Variants in VWF observed in about 807,000 individuals in gnomAD.
VWF encodes the protein Factor VIII related antigen.
In VWF, 176 loss-of-function variants were observed where a neutral mutation model predicts 308.6. The ratio of observed to expected loss-of-function variants is 0.57; its 90% CI spans 0.50 to 0.65. The LOEUF is 0.65. Among genes scored for constraint, VWF ranks in the 30% least tolerant of loss-of-function variants. VWF has a pLI of 0.00. For synonymous variants in VWF, 1,385 were observed against 1,443.4 expected (o/e 0.96, Z 0.92); for missense variants, 3,146 against 3,648.2 (o/e 0.86, Z 3.55).
In VWF at chr12:5,981,805, G is replaced by T. The variant is rs957015244; in HGVS notation, c.7268C>A (p.Thr2423Asn). 1.9e-6 allele frequency: 3 copies of T among 1,614,056 alleles called. No homozygotes were observed. The Middle Eastern group carries it at 4.9e-4, about 265-fold the overall frequency. The change falls in exon 42 of 52, where the codon ACC (threonine) becomes AAC (asparagine). Residue 2423 changes from threonine (T) to asparagine (N), a missense_variant. Physicochemically the swap from Thr to Asn is moderately conservative, Grantham distance 65 (BLOSUM62 0). Transcript: ENST00000261405. ...TATNDCGCTT[T>N]TCLPDKVCVH... ...CCTTACCTTGTCGGGAAGGCAGGTGGTTGTGGTACAGCCACAGTCATTGGT... is the reference window on the plus strand; with the variant it reads ...CCTTACCTTGTCGGGAAGGCAGGTGTTTGTGGTACAGCCACAGTCATTGGT...
chr12:6,018,191 C>A (rs925186742), intron 28 of VWF, among the ~76,000 whole-genome samples, 174 bp downstream of exon 28: 4 of 152,146 alleles, frequency 2.6e-5, no homozygotes, highest in African/African-American at 9.7e-5. Context: ...AGTTTGTCTC[C>A]CTGCCAGGGA....
At chr12:5,986,755 G>T (rs1018603609) in intron 38 of VWF, among the ~76,000 whole-genome samples, 4 of 152,208 alleles carry the variant, frequency 2.6e-5, no homozygotes, top group Non-Finnish European at 5.9e-5. Flanking sequence ...AATCACTCAT[G>T]TAATCCTCAC....
chr12:6,064,411 T>C (rs369068103), intron 11 of VWF, 27 bp from the exon 12 acceptor site: 68 of 1,613,394 alleles, frequency 4.2e-5, no homozygotes, highest in Non-Finnish European at 5.4e-5. Flanking sequence ...CAGGGTGACT[T>C]TGCTGCACCC....
rs752846524 is a variant in VWF, at chr12:6,064,237, G to A, written c.1432+9C>T. The A allele has an allele frequency of 4.1e-5, 66 of 1,614,010 alleles. No individual in the cohort carries two copies. Among genetic ancestry groups the A allele is most frequent in the South Asian group, 1.3e-4 (12 of 91,088 alleles). On this transcript the variant is annotated intron_variant, in intron 12 of 51. Transcript: ENST00000261405. ...AGCCCCAGGCCTGATGGAGCAGGAC[G>A]AAGCATACCTTTCAGGAGGGGGAGC...
intron 1 of VWF, among the ~76,000 whole-genome samples, chr12:6,124,105 C>A (rs1356604039): frequency 6.6e-6 from 1 of 152,124 alleles, no homozygotes; most frequent in Non-Finnish European, 1.5e-5. Flanking sequence ...AAGCAGGTGT[C>A]CCCTCCCAGT....
At chr12:6,095,664 G>A in intron 5 of VWF, 80 bp from the exon 6 acceptor site, 1 of 1,601,966 alleles carries the variant, frequency 6.2e-7, no homozygotes, top group Non-Finnish European at 8.5e-7. Context: ...TAGGTCTGCT[G>A]GTGGTTTTGT....
At chr12:6,074,091 T>C (rs945438939) in intron 7 of VWF, among the ~76,000 whole-genome samples, 2 of 152,074 alleles carry the variant, frequency 1.3e-5, no homozygotes, top group African/African-American at 4.8e-5. Context: ...TCAAAACAAG[T>C]GGAGTCCTAC....
At chr12:6,103,399 C>CATAT (rs1555075260) in intron 5 of VWF, among the ~76,000 whole-genome samples, 2,596 of 120,602 alleles carry the variant, frequency 0.022, 118 homozygotes, top group African/African-American at 0.089. Flanking sequence ...TGTGTATACA[C>CATAT]GTGTGTGTAT....
chr12:6,088,353 C>A (rs1330508967), intron 6 of VWF, among the ~76,000 whole-genome samples: 1 of 151,998 alleles, frequency 6.6e-6, no homozygotes, highest in Non-Finnish European at 1.5e-5. Flanking sequence ...GTGACAGGCG[C>A]ATGTAGTCCC....
intron 8 of VWF, among the ~76,000 whole-genome samples, chr12:6,073,194 T>C (rs1293121791): frequency 6.6e-6 from 1 of 152,112 alleles, no homozygotes; most frequent in Non-Finnish European, 1.5e-5. Flanking sequence ...ACAGGGGTTT[T>C]CCCCAAAGCC....
chr12:5,979,757 C>T (rs559962730), intron 42 of VWF, among the ~76,000 whole-genome samples: 20 of 147,400 alleles, frequency 1.4e-4, no homozygotes, highest in Middle Eastern at 4.0e-3. Flanking sequence ...AAAAGAAAAA[C>T]GAGGCCAGGC....
intron 34 of VWF, among the ~76,000 whole-genome samples, chr12:5,998,849 C>A (rs927722525): frequency 2.0e-5 from 3 of 152,254 alleles, no homozygotes; most frequent in African/African-American, 7.2e-5. Flanking sequence ...CTGCCTCAGC[C>A]TCCCAAGTAG....
At position 6,019,259 on chromosome 12, in the gene VWF, T is replaced by C; in HGVS notation, c.4159A>G (p.Ser1387Gly). ...CGGGACATCCGTTGGGGCTCCTGGCTGGCCATCAGGAGCAGGGTGATGCGG... is the reference window on the plus strand; with the variant it reads ...CGGGACATCCGTTGGGGCTCCTGGCCGGCCATCAGGAGCAGGGTGATGCGG... ...ASRITLLLMA[S>G]QEPQRMSRNF... Residue 1387 changes from serine to glycine, a missense_variant, in exon 28 of 52, where the codon AGC becomes GGC. Physicochemically the swap from Ser to Gly is moderately conservative, Grantham distance 56 (BLOSUM62 0). Transcript: ENST00000261405. The surrounding 1 kb of genome is among the most constrained non-coding windows in gnomAD (Gnocchi z 5.8). 7 of 1,613,804 alleles carry C rather than the reference T, an allele frequency of 4.3e-6. No individual in the cohort carries two copies. The highest frequency in any genetic ancestry group is 5.1e-6 in the Non-Finnish European group (6 of 1,179,846).
In VWF at chr12:6,013,471, T is replaced by C. The variant is rs886049740; in HGVS notation, c.5620+10A>G. The C allele has an allele frequency of 6.2e-7, 1 of 1,614,038 alleles. No individual in the cohort carries two copies. Among genetic ancestry groups the C allele is most frequent in the Non-Finnish European group, 8.5e-7 (1 of 1,180,022 alleles). ...TTTGAGGGAAGTAAGAAAGGTATTA[T>C]AAGACTCACCAGAGCACAGTTTGTG... On this transcript the variant is annotated intron_variant, in intron 32 of 51. Coordinates refer to ENST00000261405, the MANE Select transcript of VWF (RefSeq NM_000552.5).
chr12:6,072,007 A>G (rs1944787330), intron 9 of VWF, among the ~76,000 whole-genome samples: 1 of 152,190 alleles, frequency 6.6e-6, no homozygotes, highest in African/African-American at 2.4e-5. Flanking sequence ...CGTACTGCTT[A>G]GTGATACAGC....
rs116477870 is a variant in VWF at position 6,006,290 on chromosome 12, T to C, written c.5842+5327A>G. Among the ~76,000 whole-genome samples, 473 of 152,144 alleles carry C rather than the reference T, an allele frequency of 3.1e-3. 8 individuals carry two copies. Among genetic ancestry groups the C allele is most frequent in the African/African-American group, 0.011 (448 of 41,498 alleles). ...ATGAGGAAGGAGTCAAATCTCATCA[T>C]TACCCAAAAAAATCAATGAAACACA... is the stretch of plus-strand genomic sequence containing the variant. On this transcript the variant is annotated intron_variant, in intron 34 of 51. Transcript: ENST00000261405.
Position 6,003,775 on chromosome 12 carries a change from G to A in VWF, c.5843-7553C>T, listed in dbSNP as rs143397646. ...GAAAGAAGTTCTGGCAATGGATGGT[G>A]GTGATGGTTGCACAACAATGTGGAT... On this transcript the variant is annotated intron_variant, in intron 34 of 51. Coordinates refer to ENST00000261405, the MANE Select transcript of VWF (RefSeq NM_000552.5). 1.9e-3 allele frequency among the ~76,000 whole-genome samples: 281 copies of A among 151,616 alleles called. 1 individual carries two copies. The highest frequency in any genetic ancestry group is 6.8e-3 in the Middle Eastern group (2 of 294).
chr12:6,094,461 C>A (rs1398864797), intron 6 of VWF, among the ~76,000 whole-genome samples: 1 of 152,152 alleles, frequency 6.6e-6, no homozygotes, highest in Non-Finnish European at 1.5e-5. Flanking sequence ...TTTCAGACAC[C>A]TAGCAGGTGA....
At chr12:5,998,483 AAAAAAAAAAAAAAAAATATATAT>A (rs1241910991) in intron 34 of VWF, among the ~76,000 whole-genome samples, 19 of 59,718 alleles carry the variant, frequency 3.2e-4, no homozygotes, top group African/African-American at 1.4e-3. Context: ...AAAAAAAAAA[AAAAAAAAAAAAAAAAATATATAT>A]ATATATATAT....
Sources: gnomAD v4.1 joint callset for allele counts (sites outside exome capture counted in the v4.1 genomes callset) on GRCh38, gnomAD v4.1.1 for gene constraint, Gnocchi (gnomAD v3.1) non-coding constraint, MANE v1.5 for transcripts, NCBI Gene and HGNC (gene_info 2026-07-23, HGNC 2026-07-21) for gene names.